Variants in EXOC2 observed in about 807,000 individuals in gnomAD.
EXOC2 encodes the protein SEC5-like 1.
In EXOC2, 70 loss-of-function variants were observed where a neutral mutation model predicts 131.8. The observed-to-expected ratio is 0.53, with a 90% CI of 0.44 to 0.65. EXOC2 has a LOEUF of 0.65. EXOC2 is among the 30% of genes least tolerant of loss of function. The probability of loss-of-function intolerance (pLI) is 0.00; values close to 1 mark genes in which losing one functional copy is unlikely to be tolerated. For missense variants in EXOC2, 923 were observed against 1,108.6 expected, an observed-to-expected ratio of 0.83 and a Z score of 2.38; for synonymous variants, 411 against 398.4, an observed-to-expected ratio of 1.03 and a Z score of -0.38.
Position 610,280 on chromosome 6 carries a change from T to A in EXOC2, c.662-102A>T, listed in dbSNP as rs1432515216. 5 of 1,020,334 alleles carry A rather than the reference T, an allele frequency of 4.9e-6. No individual in the cohort carries two copies. In the East Asian group the frequency reaches 1.3e-4, roughly 26 times the overall value. The allele number at this position is 1,020,334 out of a possible 1,614,324, so 63.2% of individuals were successfully genotyped here. A position where few individuals can be genotyped will look rare whatever the true frequency, so the allele number is the denominator to read the frequency against. ...ACAGCTTTTTAAAATGGTCATATTATTTTCACTGCTGAAAAGCAGCAAAAA... is the reference window on the plus strand; with the variant it reads ...ACAGCTTTTTAAAATGGTCATATTAATTTCACTGCTGAAAAGCAGCAAAAA... On this transcript the variant is annotated intron_variant, in intron 6 of 27. Transcript: ENST00000230449.
chr6:641,136 G>C (rs1762334454), intron 1 of EXOC2, among the ~76,000 whole-genome samples: 1 of 152,116 alleles, frequency 6.6e-6, no homozygotes, highest in African/African-American at 2.4e-5. Flanking sequence ...AGGCAAGACA[G>C]GTAAACCAGG....
At chr6:580,754 C>A (rs1367546363) in intron 11 of EXOC2, among the ~76,000 whole-genome samples, 1 of 152,024 alleles carries the variant, frequency 6.6e-6, no homozygotes, top group Non-Finnish European at 1.5e-5. Context: ...CTATGCAATT[C>A]TAAAAGTCTT....
At chr6:655,934 C>T (rs1378479826) in intron 1 of EXOC2, 2 of 552,156 alleles carry the variant, frequency 3.6e-6, no homozygotes, top group African/African-American at 3.8e-5. Flanking sequence ...CATGAACTAC[C>T]CAACTGTTTT....
intron 1 of EXOC2, among the ~76,000 whole-genome samples, chr6:686,064 C>T (rs1764640418): frequency 1.3e-5 from 2 of 150,862 alleles, no homozygotes; most frequent in African/African-American, 2.4e-5. Flanking sequence ...TTGGTTCAAG[C>T]GATTCTCCTG....
At chr6:600,046 A>G (rs1441721290) in intron 7 of EXOC2, among the ~76,000 whole-genome samples, 1 of 152,212 alleles carries the variant, frequency 6.6e-6, no homozygotes, top group Non-Finnish European at 1.5e-5. Flanking sequence ...CTGCTTGTAA[A>G]AAGTTTCTGC....
At chr6:494,953 A>G (rs974265667) in intron 25 of EXOC2, among the ~76,000 whole-genome samples, 1 of 152,084 alleles carries the variant, frequency 6.6e-6, no homozygotes, top group Non-Finnish European at 1.5e-5. Context: ...ATCACAGTTC[A>G]CTGCAGCCTT....
intron 1 of EXOC2, among the ~76,000 whole-genome samples, chr6:680,149 A>G (rs999140790): frequency 4.6e-5 from 7 of 152,118 alleles, no homozygotes; most frequent in African/African-American, 1.7e-4. Flanking sequence ...CTCCCCTTCA[A>G]CATACTTTCA....
chr6:654,787 G>C (rs981915011), intron 1 of EXOC2, among the ~76,000 whole-genome samples: 12 of 87,922 alleles, frequency 1.4e-4, no homozygotes, highest in African/African-American at 4.8e-4. Flanking sequence ...CTGGGTGACA[G>C]AGTAAGACCC....
chr6:552,456 T>C (rs950538669), intron 21 of EXOC2, among the ~76,000 whole-genome samples: 1 of 152,210 alleles, frequency 6.6e-6, no homozygotes, highest in African/African-American at 2.4e-5. Context: ...AACCAGCATT[T>C]TTCTTTTGTT....
intron 1 of EXOC2, among the ~76,000 whole-genome samples, chr6:646,508 AAT>A (rs35910568): frequency 0.67 from 101,943 of 151,878 alleles, 34,657 homozygotes; most frequent in Middle Eastern, 0.81. Flanking sequence ...AAAGTTATCA[AAT>A]ATAATGCTTT....
intron 7 of EXOC2, among the ~76,000 whole-genome samples, chr6:606,645 C>T (rs1760432185): frequency 6.6e-6 from 1 of 152,108 alleles, no homozygotes; most frequent in African/African-American, 2.4e-5. Flanking sequence ...TCCTTTGCAC[C>T]GTCCACATCA....
At chr6:622,842 CCT>C (rs770923471) in intron 4 of EXOC2, among the ~76,000 whole-genome samples, 5 of 152,172 alleles carry the variant, frequency 3.3e-5, no homozygotes, top group African/African-American at 4.8e-5. Flanking sequence ...TTAAAATTCC[CCT>C]GATACTTAAA....
intron 13 of EXOC2, among the ~76,000 whole-genome samples, chr6:568,311 G>A (rs904770235): frequency 7.9e-5 from 12 of 152,192 alleles, no homozygotes; most frequent in African/African-American, 2.7e-4. Context: ...TGAGTTAGAG[G>A]CACTCCTCCT....
intron 1 of EXOC2, among the ~76,000 whole-genome samples, chr6:673,741 A>ATTTGCCTT (rs956887411): frequency 1.3e-5 from 2 of 152,196 alleles, no homozygotes; most frequent in African/African-American, 4.8e-5. Flanking sequence ...TCTCATCTGT[A>ATTTGCCTT]TTTGCCTTCC....
At chr6:573,151 A>C (rs1758379476) in intron 12 of EXOC2, among the ~76,000 whole-genome samples, 1 of 152,260 alleles carries the variant, frequency 6.6e-6, no homozygotes, top group Admixed American at 6.5e-5. Flanking sequence ...TTCTAGTGCA[A>C]TCACATACTA....
At chr6:547,625 T>C (rs545496977) in intron 22 of EXOC2, among the ~76,000 whole-genome samples, 3 of 152,330 alleles carry the variant, frequency 2.0e-5, no homozygotes, top group African/African-American at 4.8e-5. Context: ...AATCATGAAA[T>C]TAACAGATTC....
At chr6:669,048 G>C (rs1763743036) in intron 1 of EXOC2, 1 of 152,234 alleles carries the variant, frequency 6.6e-6, no homozygotes, top group Non-Finnish European at 1.5e-5. Flanking sequence ...CCTCCAACTG[G>C]TATGTTTGCT....
intron 7 of EXOC2, among the ~76,000 whole-genome samples, chr6:604,273 A>C (rs1054444324): frequency 2.6e-5 from 4 of 152,108 alleles, no homozygotes; most frequent in African/African-American, 9.7e-5. Flanking sequence ...ACCAATGACT[A>C]CTTCCTTTTC....
rs370608073 is a variant in EXOC2 at position 550,083 on chromosome 6, C to T, written c.2122-792G>A. Among the ~76,000 whole-genome samples the T allele has an allele frequency of 1.0e-3, 159 of 152,376 alleles. 2 individuals are homozygous for T. The highest frequency in any genetic ancestry group is 3.4e-3 in the Middle Eastern group (1 of 294). On this transcript the variant is annotated intron_variant, in intron 21 of 27. Coordinates refer to ENST00000230449, the MANE Select transcript of EXOC2 (RefSeq NM_018303.6). Reference sequence around the variant, plus strand: ...AGGAATTGCCCTTTTGCTGCTGGTGCGGTTCACCGAGGCACCCAACCTGTG... The same window carrying T: ...AGGAATTGCCCTTTTGCTGCTGGTGTGGTTCACCGAGGCACCCAACCTGTG...
Sources: allele counts gnomAD v4.1 joint callset (sites outside exome capture counted in the v4.1 genomes callset), GRCh38; gene constraint gnomAD v4.1.1; transcripts MANE v1.5; gene names NCBI Gene and HGNC (gene_info 2026-07-23, HGNC 2026-07-21).